The following SUMF1 variants were observed in gnomAD, a reference collection of about 807,000 sequenced individuals.
SUMF1 encodes sulfatase modifying factor 1.
SUMF1 carries 48 observed loss-of-function variants against 47.6 expected under a neutral mutation model. The ratio of observed to expected loss-of-function variants is 1.01; its 90% CI spans 0.80 to 1.28. The LOEUF (loss-of-function observed/expected upper bound fraction) is 1.28, where lower values mean the gene tolerates loss of function less well. SUMF1 is among the 50% of genes most tolerant of loss of function. SUMF1 has a pLI of 0.00. For missense variants in SUMF1, 571 were observed against 485.4 expected, an observed-to-expected ratio of 1.18 and a Z score of -1.66; for synonymous variants, 230 against 192.1, an observed-to-expected ratio of 1.20 and a Z score of -1.63.
chr3:4,175,199 T>C (rs960103559), intron 8 of SUMF1, among the ~76,000 whole-genome samples: 2 of 152,160 alleles, frequency 1.3e-5, no homozygotes, highest in Non-Finnish European at 2.9e-5. Flanking sequence ...AGCATGGCGT[T>C]TGAGCTCTGA....
intron 8 of SUMF1, among the ~76,000 whole-genome samples, chr3:4,179,524 C>T (rs1017687706): frequency 1.3e-5 from 2 of 152,030 alleles, no homozygotes; most frequent in Non-Finnish European, 2.9e-5. Flanking sequence ...ACACCTTATA[C>T]AAAAATTAAT....
At chr3:4,175,965 A>G (rs1427874305) in intron 8 of SUMF1, among the ~76,000 whole-genome samples, 1 of 152,160 alleles carries the variant, frequency 6.6e-6, no homozygotes, top group Non-Finnish European at 1.5e-5. Context: ...TTAATGAAAT[A>G]AGCAAGAAAA....
intron 8 of SUMF1, among the ~76,000 whole-genome samples, chr3:4,138,553 A>C (rs908164778): frequency 6.6e-6 from 1 of 152,072 alleles, no homozygotes; most frequent in Non-Finnish European, 1.5e-5. Context: ...TCTTACTAAA[A>C]ACTCTGAAAA....
At chr3:4,115,269 C>T (rs148335490) in intron 8 of SUMF1, among the ~76,000 whole-genome samples, 5 of 152,198 alleles carry the variant, frequency 3.3e-5, no homozygotes, top group African/African-American at 1.2e-4. Flanking sequence ...TCCCTTCTGT[C>T]CTCCCCATTT....
chr3:4,340,976 A>T (rs926796606), intron 8 of SUMF1, among the ~76,000 whole-genome samples: 1 of 152,008 alleles, frequency 6.6e-6, no homozygotes, highest in African/African-American at 2.4e-5. Context: ...ACAAACATTG[A>T]CTTTTCCACA....
At chr3:4,329,970 A>G (rs1699018290) in intron 8 of SUMF1, among the ~76,000 whole-genome samples, 1 of 152,100 alleles carries the variant, frequency 6.6e-6, no homozygotes, top group African/African-American at 2.4e-5. Flanking sequence ...TATCTCTCTC[A>G]AGTTCAAAGT....
At chr3:4,333,674 G>C (rs1199359393) in intron 8 of SUMF1, among the ~76,000 whole-genome samples, 1 of 152,112 alleles carries the variant, frequency 6.6e-6, no homozygotes, top group Non-Finnish European at 1.5e-5. Flanking sequence ...ACCCCAATCA[G>C]CCCATTTTGT....
Position 4,177,329 on chromosome 3 carries a change from A to G in SUMF1, c.1015-108584T>C, listed in dbSNP as rs1361602574. Among the ~76,000 whole-genome samples the G allele has an allele frequency of 2.0e-5, 3 of 152,202 alleles. 1 individual carries two copies. The highest frequency in any genetic ancestry group is 2.9e-5 in the Non-Finnish European group (2 of 68,016). On this transcript the variant is annotated intron_variant and NMD_transcript_variant, in intron 8 of 12. Coordinates refer to the SUMF1 transcript ENST00000448413. ...GCAAATGTAAAAGAAAAGAAATCAC[A>G]AAAAACTGTCTCTCAGACTACAGTG...
chr3:4,213,987 A>G (rs1378904447), intron 8 of SUMF1, among the ~76,000 whole-genome samples: 3 of 152,172 alleles, frequency 2.0e-5, no homozygotes, highest in Non-Finnish European at 4.4e-5. Context: ...CACTGTCAAT[A>G]TTAGACAGAT....
chr3:4,454,505 C>T (rs1053103294), intron 1 of SUMF1, among the ~76,000 whole-genome samples: 1 of 152,182 alleles, frequency 6.6e-6, no homozygotes, highest in Non-Finnish European at 1.5e-5. Context: ...AGTTCAGCTG[C>T]TTTGGAAAAC....
intron 1 of SUMF1, among the ~76,000 whole-genome samples, chr3:4,466,027 C>G (rs868292702): frequency 2.6e-5 from 4 of 152,178 alleles, no homozygotes; most frequent in African/African-American, 9.6e-5. Flanking sequence ...GTCAGAAGAC[C>G]TGACCTTTAG....
At position 4,088,931 on chromosome 3, in the gene SUMF1, A is replaced by C. The variant is rs62259281; in HGVS notation, c.1015-20186T>G. Among the ~76,000 whole-genome samples the C allele has an allele frequency of 5.2e-3, 799 of 152,280 alleles. 4 individuals are homozygous for C. The highest frequency in any genetic ancestry group is 7.9e-3 in the Non-Finnish European group (538 of 68,020). ...TTAGAATGAATGAATATATGGACAA[A>C]TGAATGTAGCAATCTAGGTGGGATG... On this transcript the variant is annotated intron_variant and NMD_transcript_variant, in intron 8 of 12. Coordinates refer to the SUMF1 transcript ENST00000448413.
At chr3:4,081,195 G>C (rs754978090) in intron 8 of SUMF1, among the ~76,000 whole-genome samples, 5 of 152,118 alleles carry the variant, frequency 3.3e-5, no homozygotes, top group Non-Finnish European at 7.3e-5. Context: ...AACGTTCACT[G>C]AGCAGGTCAG....
chr3:4,406,547 C>T (rs1014550904), intron 7 of SUMF1, among the ~76,000 whole-genome samples: 3 of 152,184 alleles, frequency 2.0e-5, no homozygotes, highest in African/African-American at 7.2e-5. Context: ...GTAATCCCAG[C>T]TATTCGGGAG....
chr3:4,202,769 T>C (rs1403188274), intron 8 of SUMF1, among the ~76,000 whole-genome samples: 2 of 151,932 alleles, frequency 1.3e-5, no homozygotes, highest in Non-Finnish European at 2.9e-5. Context: ...TTTTGGTATG[T>C]TGTATTTCCA....
intron 3 of SUMF1, among the ~76,000 whole-genome samples, chr3:4,439,404 T>C (rs188285761): frequency 2.0e-5 from 3 of 151,904 alleles, no homozygotes; most frequent in East Asian, 1.9e-4. Context: ...CGCACTCCTA[T>C]AGTCCCAGCT....
At chr3:4,148,034 T>C (rs755584665) in intron 8 of SUMF1, among the ~76,000 whole-genome samples, 4 of 152,110 alleles carry the variant, frequency 2.6e-5, no homozygotes, top group Non-Finnish European at 5.9e-5. Context: ...TGGCACATTT[T>C]AAAAAAATGA....
intron 8 of SUMF1, among the ~76,000 whole-genome samples, chr3:4,127,783 G>C (rs138627697): frequency 5.3e-5 from 8 of 152,182 alleles, no homozygotes; most frequent in African/African-American, 1.9e-4. Context: ...GAATATAAAG[G>C]ATGGAGTTCT....
chr3:4,337,619 C>G (rs1228613224), intron 8 of SUMF1, among the ~76,000 whole-genome samples: 1 of 152,162 alleles, frequency 6.6e-6, no homozygotes, highest in Non-Finnish European at 1.5e-5. Context: ...ATCCCTTGAC[C>G]ACTTCCCTCC....
Sources: gnomAD v4.1 joint callset for allele counts (sites outside exome capture counted in the v4.1 genomes callset) on GRCh38, gnomAD v4.1.1 for gene constraint, MANE v1.5 for transcripts, NCBI Gene and HGNC (gene_info 2026-07-23, HGNC 2026-07-21) for gene names.